Variants in PAMR1 observed in about 807,000 individuals in gnomAD.
The protein encoded by PAMR1 is inactive serine protease PAMR1.
Under a neutral mutation model 81.8 loss-of-function variants are expected in PAMR1, and 88 were observed. That is an observed-to-expected ratio of 1.08 (90% CI 0.91 to 1.28). PAMR1 has a LOEUF of 1.28. Ranked by LOEUF, PAMR1 falls within the 50% of genes most tolerant of loss-of-function variation. PAMR1 has a pLI of 0.00. For missense variants in PAMR1, 935 were observed against 919.7 expected, an observed-to-expected ratio of 1.02 and a Z score of -0.21; for synonymous variants, 336 against 345.3, an observed-to-expected ratio of 0.97 and a Z score of 0.30.
intron 6 of PAMR1, among the ~76,000 whole-genome samples, chr11:35,443,369 C>T (rs1368949105): frequency 1.3e-5 from 2 of 152,088 alleles, no homozygotes; most frequent in Admixed American, 6.5e-5. Flanking sequence ...CCCTCACAAC[C>T]CCCTGATAGG....
chr11:35,518,642 T>G (rs1474698967), intron 1 of PAMR1, among the ~76,000 whole-genome samples: 1 of 151,424 alleles, frequency 6.6e-6, no homozygotes, highest in African/African-American at 2.4e-5. Context: ...CTTTTTGTCT[T>G]TTTTTCCCTT....
chr11:35,463,204 C>T (rs1856693754), intron 6 of PAMR1, among the ~76,000 whole-genome samples: 1 of 152,214 alleles, frequency 6.6e-6, no homozygotes, highest in Non-Finnish European at 1.5e-5. Flanking sequence ...TAAAGTGTGC[C>T]TCTCAGCCTG....
intron 1 of PAMR1, among the ~76,000 whole-genome samples, chr11:35,504,345 G>C (rs1049054443): frequency 6.6e-6 from 1 of 151,976 alleles, no homozygotes; most frequent in African/African-American, 2.4e-5. Context: ...CTTTTTTGCT[G>C]TTGTTCTATC....
chr11:35,510,206 C>G (rs1029139491), intron 1 of PAMR1, among the ~76,000 whole-genome samples: 1 of 152,184 alleles, frequency 6.6e-6, no homozygotes, highest in African/African-American at 2.4e-5. Context: ...CATACCCTCC[C>G]TCCCACAATT....
chr11:35,436,148 A>ACATG lies in PAMR1; in HGVS notation c.1101-17_1101-14dup, dbSNP rs761162418. ...TAATGGTGTCTCCCTGGGTCAGGAA[A>ACATG]CATGGGCCCAGAGAAAGAGCAGGGT... On this transcript the variant is annotated splice_polypyrimidine_tract_variant and intron_variant, in intron 8 of 10. Coordinates refer to ENST00000619888, the MANE Select transcript of PAMR1 (RefSeq NM_001001991.3). 1.7e-5 allele frequency: 27 copies of ACATG among 1,570,430 alleles called. No homozygotes were observed. In the African/African-American group the frequency reaches 3.5e-4, roughly 20 times the overall value.
chr11:35,512,151 T>G (rs1193676825), intron 1 of PAMR1, among the ~76,000 whole-genome samples: 3 of 152,358 alleles, frequency 2.0e-5, no homozygotes, highest in East Asian at 1.9e-4. Context: ...TTTTTTATCA[T>G]GTACCCTGAG....
chr11:35,485,705 C>T (rs1293947388), intron 3 of PAMR1, among the ~76,000 whole-genome samples: 7 of 152,212 alleles, frequency 4.6e-5, no homozygotes, highest in African/African-American at 1.4e-4. Context: ...TGTTCAGTGC[C>T]AGATGCTCTC....
At chr11:35,527,141 G>A (rs114879161), upstream of PAMR1, among the ~76,000 whole-genome samples, 341 of 152,242 alleles carry the variant, frequency 2.2e-3, 2 homozygotes, top group African/African-American at 7.8e-3. Flanking sequence ...CTCCAGCCCT[G>A]CTTCTGGGGG....
intron 6 of PAMR1, among the ~76,000 whole-genome samples, chr11:35,452,437 A>T (rs1230352793): frequency 6.6e-6 from 1 of 152,226 alleles, no homozygotes; most frequent in Non-Finnish European, 1.5e-5. Context: ...AATGGAGTAC[A>T]AATAATATGC....
chr11:35,481,918 G>C (rs1306369560), intron 3 of PAMR1, among the ~76,000 whole-genome samples: 1 of 152,060 alleles, frequency 6.6e-6, no homozygotes, highest in African/African-American at 2.4e-5. Context: ...TAACTTCCTT[G>C]TAGATTCTGG....
At chr11:35,526,666 G>A (rs1394313891), upstream of PAMR1, among the ~76,000 whole-genome samples, 3 of 152,208 alleles carry the variant, frequency 2.0e-5, no homozygotes, top group Non-Finnish European at 2.9e-5. Flanking sequence ...TTTGAACCCG[G>A]GCAGCTTAGG....
Position 35,434,579 on chromosome 11 carries a change from A to G in PAMR1, c.1559T>C (p.Leu520Pro). ...GTAGAATTTCCCCAAAACAACTTTC[A>G]GGTCTGCTGTCTTGATCATGGTGAC... The part of the protein sequence containing the change: ...GKVTMIKTAD[L>P]KVVLGKFYRD... Residue 520 changes from leucine (L) to proline (P), a missense_variant, in exon 10 of 11, where the codon CTG becomes CCG. Physicochemically the swap from Leu to Pro is moderately conservative, Grantham distance 98 (BLOSUM62 -3). Transcript: ENST00000619888. The G allele has an allele frequency of 6.2e-7, 1 of 1,614,030 alleles. No homozygotes were observed. The highest frequency in any genetic ancestry group is 1.1e-5 in the South Asian group (1 of 91,070).
chr11:35,436,583 C>T (rs1237815676), intron 8 of PAMR1, among the ~76,000 whole-genome samples: 1 of 151,620 alleles, frequency 6.6e-6, no homozygotes, highest in East Asian at 1.9e-4. Flanking sequence ...CGCCACCCAG[C>T]CAAAAATGGC....
chr11:35,500,596 C>A (rs1850815772), intron 1 of PAMR1, among the ~76,000 whole-genome samples: 2 of 152,212 alleles, frequency 1.3e-5, no homozygotes, highest in Admixed American at 1.3e-4. Context: ...AATCTACCGA[C>A]CTCGTCGGGT....
At chr11:35,482,428 G>C (rs986679818) in intron 3 of PAMR1, among the ~76,000 whole-genome samples, 6 of 152,174 alleles carry the variant, frequency 3.9e-5, no homozygotes, top group African/African-American at 1.4e-4. Flanking sequence ...ATTCTATTTT[G>C]ATTACTGTAG....
At chr11:35,495,992 C>T (rs571721155) in intron 1 of PAMR1, among the ~76,000 whole-genome samples, 2 of 152,318 alleles carry the variant, frequency 1.3e-5, no homozygotes, top group South Asian at 4.1e-4. Flanking sequence ...ATGGCTACAT[C>T]ATCATAGCAT....
At chr11:35,438,705 G>A (rs965739905) in intron 8 of PAMR1, among the ~76,000 whole-genome samples, 2 of 152,190 alleles carry the variant, frequency 1.3e-5, no homozygotes, top group Non-Finnish European at 2.9e-5. Context: ...GAGGTTGACA[G>A]AAATTGAACA....
At chr11:35,440,212 T>C (rs1856135830) in intron 7 of PAMR1, among the ~76,000 whole-genome samples, 1 of 152,174 alleles carries the variant, frequency 6.6e-6, no homozygotes, top group Non-Finnish European at 1.5e-5. Flanking sequence ...TTTGTTGAAG[T>C]CTCTCTTTCT....
At chr11:35,447,607 T>G (rs1856325143) in intron 6 of PAMR1, among the ~76,000 whole-genome samples, 1 of 152,184 alleles carries the variant, frequency 6.6e-6, no homozygotes. Context: ...AGCTTGCCAT[T>G]CTGTGTATTT....
Sources: allele counts gnomAD v4.1 joint callset (sites outside exome capture counted in the v4.1 genomes callset), GRCh38; gene constraint gnomAD v4.1.1; transcripts MANE v1.5; gene names NCBI Gene and HGNC (gene_info 2026-07-23, HGNC 2026-07-21).